The following KCND2 variants were observed in gnomAD, a reference collection of about 807,000 sequenced individuals.
KCND2 encodes potassium voltage-gated channel subfamily D member 2, also known as A-type voltage-gated potassium channel KCND2.
Under a neutral mutation model 54.4 loss-of-function variants are expected in KCND2, and 16 were observed. That is an observed-to-expected ratio of 0.29 (90% confidence interval 0.20 to 0.45). The LOEUF (loss-of-function observed/expected upper bound fraction) is 0.45. Ranked by LOEUF, KCND2 falls within the 20% of genes least tolerant of loss-of-function variation. The pLI is 1.00. For synonymous variants in KCND2, 317 were observed against 310.7 expected (o/e 1.02, Z -0.21); for missense variants, 486 against 824.2 (o/e 0.59, Z 5.02).
chr7:120,592,711 C>T lies in KCND2; in HGVS notation c.1116-140192C>T, dbSNP rs142948799. 3.1e-3 allele frequency among the ~76,000 whole-genome samples: 471 copies of T among 152,226 alleles called. 2 individuals are homozygous for T. The highest frequency in any genetic ancestry group is 0.011 in the African/African-American group (455 of 41,528). On this transcript the variant is annotated intron_variant, in intron 1 of 5. Coordinates refer to ENST00000331113, the MANE Select transcript of KCND2 (RefSeq NM_012281.3). ...TTTGTTCACAGAGCTCTTTGCTGCACGTGTGACCTGGTTGGAAACAAGTTA... is the reference window on the plus strand; with the variant it reads ...TTTGTTCACAGAGCTCTTTGCTGCATGTGTGACCTGGTTGGAAACAAGTTA...
chr7:120,747,621 T>G, intron 5 of KCND2, 60 bp from the exon 6 acceptor site: 1 of 1,187,670 alleles, frequency 8.4e-7, no homozygotes, highest in Non-Finnish European at 1.2e-6. Flanking sequence ...TATTCTTCAG[T>G]TGTATGAAAA....
chr7:120,651,163 G>T (rs1374727576), intron 1 of KCND2, among the ~76,000 whole-genome samples: 1 of 143,446 alleles, frequency 7.0e-6, no homozygotes, highest in Non-Finnish European at 1.5e-5. Context: ...GGACATTTAA[G>T]CCTGCAGAGG....
intron 1 of KCND2, among the ~76,000 whole-genome samples, chr7:120,305,520 G>A (rs1008706033): frequency 2.0e-5 from 3 of 151,906 alleles, no homozygotes; most frequent in African/African-American, 7.3e-5. Flanking sequence ...GTTTACTTTT[G>A]CTTCCCATTC....
At chr7:120,662,365 A>G (rs1184643776) in intron 1 of KCND2, among the ~76,000 whole-genome samples, 2 of 152,200 alleles carry the variant, frequency 1.3e-5, no homozygotes, top group African/African-American at 4.8e-5. Context: ...AAAAAATCTC[A>G]TTATAACAAT....
chr7:120,456,508 T>A lies in KCND2; in HGVS notation c.1115+180761T>A, dbSNP rs552290682. 1.4e-4 allele frequency among the ~76,000 whole-genome samples: 21 copies of A among 152,340 alleles called. No homozygotes were observed. The East Asian group carries it at 3.5e-3, about 25-fold the overall frequency. Reference sequence around the variant, plus strand: ...GCAACTAGAGAAATTCAACTATTTATTTCTGTTTTCCTGGCTAATTTTCTA... The same window carrying A: ...GCAACTAGAGAAATTCAACTATTTAATTCTGTTTTCCTGGCTAATTTTCTA... On this transcript the variant is annotated intron_variant, in intron 1 of 5. Transcript: ENST00000331113.
chr7:120,725,707 T>A (rs1792724839), intron 1 of KCND2, among the ~76,000 whole-genome samples: 2 of 152,170 alleles, frequency 1.3e-5, no homozygotes, highest in African/African-American at 4.8e-5. Context: ...GCATTGTGAG[T>A]TCAGACTCTT....
In KCND2 at chr7:120,273,656, G is replaced by C. The variant is rs1050850230; in HGVS notation, c.-977G>C. 3 of 152,582 alleles carry C rather than the reference G, an allele frequency of 2.0e-5. No individual in the cohort carries two copies. Among genetic ancestry groups the C allele is most frequent in the African/African-American group, 7.2e-5 (3 of 41,452 alleles). 9.5% of individuals were successfully genotyped at this position (152,582 alleles called of 1,614,324 possible). ...CTTGAGCTTTATTTATGCTCTCTCGGCGCATCGGATTCGGCTGCTCGCGAG... is the reference window on the plus strand; with the variant it reads ...CTTGAGCTTTATTTATGCTCTCTCGCCGCATCGGATTCGGCTGCTCGCGAG... On this transcript the variant is annotated 5_prime_UTR_variant, in exon 1 of 6. Coordinates refer to ENST00000331113, the MANE Select transcript of KCND2 (RefSeq NM_012281.3).
intron 1 of KCND2, among the ~76,000 whole-genome samples, chr7:120,378,613 C>G (rs1800869211): frequency 6.6e-6 from 1 of 151,912 alleles, no homozygotes; most frequent in Admixed American, 6.6e-5. Flanking sequence ...ATTATTACTA[C>G]AACAAAACTA....
chr7:120,384,032 T>C (rs1800952614), intron 1 of KCND2, among the ~76,000 whole-genome samples: 1 of 152,048 alleles, frequency 6.6e-6, no homozygotes, highest in East Asian at 1.9e-4. Flanking sequence ...AATCTGTGAG[T>C]GCTCAGGTCC....
At chr7:120,649,874 A>C (rs917704316) in intron 1 of KCND2, among the ~76,000 whole-genome samples, 1 of 152,170 alleles carries the variant, frequency 6.6e-6, no homozygotes, top group Non-Finnish European at 1.5e-5. Context: ...TTCACTTAAT[A>C]AGCTTAGTTT....
chr7:120,640,631 A>G (rs1793360124), intron 1 of KCND2, among the ~76,000 whole-genome samples: 1 of 152,224 alleles, frequency 6.6e-6, no homozygotes, highest in Non-Finnish European at 1.5e-5. Context: ...GTCCAAAAAA[A>G]AAAGAAAATG....
chr7:120,282,434 G>T (rs113833536), intron 1 of KCND2, among the ~76,000 whole-genome samples: 6 of 152,250 alleles, frequency 3.9e-5, no homozygotes, highest in African/African-American at 1.2e-4. Flanking sequence ...AACATTCTAA[G>T]AAATTAAAAG....
At chr7:120,457,962 TAGA>T (rs570872596) in intron 1 of KCND2, among the ~76,000 whole-genome samples, 60 of 152,182 alleles carry the variant, frequency 3.9e-4, no homozygotes, top group African/African-American at 1.4e-3. Context: ...CTTACAATCA[TAGA>T]AGAAGGGGAA....
At chr7:120,629,636 G>T (rs1019516344) in intron 1 of KCND2, among the ~76,000 whole-genome samples, 8 of 152,172 alleles carry the variant, frequency 5.3e-5, no homozygotes, top group African/African-American at 1.9e-4. Flanking sequence ...TTGAACGATG[G>T]GGTCAAGGTG....
intron 1 of KCND2, among the ~76,000 whole-genome samples, chr7:120,358,783 G>T (rs1800546209): frequency 6.6e-6 from 1 of 152,074 alleles, no homozygotes; most frequent in Non-Finnish European, 1.5e-5. Flanking sequence ...CTATGTGCAG[G>T]CTGTACTCTT....
intron 1 of KCND2, among the ~76,000 whole-genome samples, chr7:120,411,912 A>G (rs946249919): frequency 6.6e-6 from 1 of 151,956 alleles, no homozygotes; most frequent in African/African-American, 2.4e-5. Flanking sequence ...TTTGCAACTC[A>G]TGTACCTAAT....
intron 1 of KCND2, among the ~76,000 whole-genome samples, chr7:120,411,268 G>T (rs1223951608): frequency 6.6e-6 from 1 of 151,644 alleles, no homozygotes; most frequent in African/African-American, 2.4e-5. Context: ...TATCCTTAAA[G>T]ATCATTTATA....
chr7:120,413,017 T>C (rs1353114656), intron 1 of KCND2, among the ~76,000 whole-genome samples: 5 of 152,106 alleles, frequency 3.3e-5, no homozygotes, highest in Non-Finnish European at 7.4e-5. Flanking sequence ...TCTTAACTAA[T>C]GAAAATGTGG....
At chr7:120,489,846 T>A (rs1245557897) in intron 1 of KCND2, among the ~76,000 whole-genome samples, 1 of 152,112 alleles carries the variant, frequency 6.6e-6, no homozygotes, top group Non-Finnish European at 1.5e-5. Context: ...TACATTTCTA[T>A]TGTGGGCCCG....
Sources: allele counts gnomAD v4.1 joint callset (sites outside exome capture counted in the v4.1 genomes callset), GRCh38; gene constraint gnomAD v4.1.1; transcripts MANE v1.5; gene names NCBI Gene and HGNC (gene_info 2026-07-23, HGNC 2026-07-21).